PLEKHM1: variants seen among roughly 807,000 people sequenced by gnomAD.
PLEKHM1 encodes the protein pleckstrin homology and RUN domain containing M1, also known as pleckstrin homology domain-containing family M member 1.
PLEKHM1 carries 28 observed loss-of-function variants against 94.3 expected under a neutral mutation model. That is an observed-to-expected ratio of 0.30 (90% confidence interval 0.22 to 0.41). PLEKHM1 has a LOEUF of 0.41. Among genes scored for constraint, PLEKHM1 ranks in the 10% least tolerant of loss-of-function variants. The pLI is 1.00. For synonymous variants in PLEKHM1, 424 were observed against 581.2 expected (o/e 0.73, Z 3.89); for missense variants, 907 against 1,358.6 (o/e 0.67, Z 5.22).
chr17:45,464,767 CACCAACCTG>C (rs1342399912), intron 5 of PLEKHM1, among the ~76,000 whole-genome samples: 1 of 152,228 alleles, frequency 6.6e-6, no homozygotes, highest in African/African-American at 2.4e-5. Context: ...GCCATGATCA[CACCAACCTG>C]ACCACCCTGT....
Position 45,439,533 on chromosome 17 carries a change from G to A in PLEKHM1, c.3003C>T (p.Cys1001=), listed in dbSNP as rs780031334. 2.5e-6 allele frequency: 4 copies of A among 1,614,248 alleles called. No homozygotes were observed. The South Asian group carries it at 4.4e-5, about 18-fold the overall frequency. Residue 1001 remains cysteine (C), a synonymous_variant, in exon 11 of 12, where the codon TGC becomes TGT. Transcript: ENST00000430334. ...TGATGTCGTGGTGCTGGCAGATCTG[G>A]CAGATGAAGCCGCGCTGGGTGCACA... The part of the protein sequence containing the change: ...CDLCTQRGFI[C]QICQHHDIIF...
rs760425288 is a variant in PLEKHM1 at position 45,445,559 on chromosome 17, G to T, written c.2748C>A (p.His916Gln). 1.2e-6 allele frequency: 2 copies of T among 1,613,866 alleles called. No individual in the cohort carries two copies. The highest frequency in any genetic ancestry group is 1.7e-4 in the Middle Eastern group (1 of 6,056). ...GCTGCTCCCGTCTCCTCCCAATGAG[G>T]TGCATCCGCTCCACATGCTCGTACA... ...ASLYEHVERMHLIGRRREQLK... is the reference protein window; with the variant it reads ...ASLYEHVERMQLIGRRREQLK... Residue 916 changes from histidine (H) to glutamine (Q), a missense_variant, in exon 9 of 12, where the codon CAC becomes CAA. By Grantham distance (24) the His-to-Gln change is conservative (BLOSUM62 0). Coordinates refer to ENST00000430334, the MANE Select transcript of PLEKHM1 (RefSeq NM_014798.3). The surrounding 1 kb of genome is among the most constrained non-coding windows in gnomAD (Gnocchi z 4.2).
Position 45,448,331 on chromosome 17 carries a change from G to A in PLEKHM1, c.2643+2287C>T, listed in dbSNP as rs142002457. Among the ~76,000 whole-genome samples the A allele has an allele frequency of 1.1e-3, 163 of 152,374 alleles. 5 individuals carry two copies. In the East Asian group the frequency reaches 0.029, roughly 27 times the overall value. ...CAAACAACAAAAAAATCAAAATGAA[G>A]CCAACTTCTGCGGGGTTTCCCCGCC... On this transcript the variant is annotated intron_variant, in intron 8 of 11. Transcript: ENST00000430334.
intron 7 of PLEKHM1, among the ~76,000 whole-genome samples, chr17:45,451,983 C>T (rs2050787300): frequency 6.6e-6 from 1 of 152,226 alleles, no homozygotes; most frequent in Non-Finnish European, 1.5e-5. Context: ...GCGGGGCCAA[C>T]CGCAGACCAA....
intron 5 of PLEKHM1, among the ~76,000 whole-genome samples, chr17:45,465,709 C>CA (rs200291097): frequency 0.052 from 5,879 of 113,950 alleles, 351 homozygotes; most frequent in African/African-American, 0.15. Context: ...GACTCTGCCT[C>CA]AAAAAAATTT....
In PLEKHM1 at chr17:45,445,445, A is replaced by T. The variant is rs1224850903; in HGVS notation, c.2837+25T>A. On this transcript the variant is annotated intron_variant, in intron 9 of 11. Coordinates refer to ENST00000430334, the MANE Select transcript of PLEKHM1 (RefSeq NM_014798.3). This position sits in a 1 kb window ranked among gnomAD's most constrained non-coding sequence, Gnocchi z 4.2. ...CATGTGCGTGTGTACGTGCACTCAC[A>T]CGCATACACGTAGAGGTTGCTCACC... 6.3e-7 allele frequency: 1 copy of T among 1,599,044 alleles called. No individual in the cohort carries two copies. The highest frequency in any genetic ancestry group is 8.6e-7 in the Non-Finnish European group (1 of 1,166,556).
intron 5 of PLEKHM1, 26 bp downstream of exon 5, chr17:45,468,183 C>A (rs1459792633): frequency 3.1e-6 from 5 of 1,612,530 alleles, no homozygotes; most frequent in Non-Finnish European, 4.2e-6. Context: ...CCCAAGACTG[C>A]CCCCTGAACG....
chr17:45,487,339 C>T (rs1327282972), intron 1 of PLEKHM1, among the ~76,000 whole-genome samples: 1 of 152,172 alleles, frequency 6.6e-6, no homozygotes, highest in East Asian at 1.9e-4. Flanking sequence ...CAATGGGTCT[C>T]GGGTAAGGGA....
chr17:45,437,281 G>GA lies in PLEKHM1; in HGVS notation c.*576_*577insT. On this transcript the variant is annotated 3_prime_UTR_variant, in exon 12 of 12. Coordinates refer to ENST00000430334, the MANE Select transcript of PLEKHM1 (RefSeq NM_014798.3). The surrounding 1 kb of genome is among the most constrained non-coding windows in gnomAD (Gnocchi z 4.0). ...CACTGGCAGTGAGGGCCAAGGAAAG[G>GA]CACTGGGTGGGCCCATAGACCCTGT... 1 of 454,112 alleles carries GA rather than the reference G, an allele frequency of 2.2e-6. No individual in the cohort carries two copies. Among genetic ancestry groups the GA allele is most frequent in the South Asian group, 1.6e-5 (1 of 64,478 alleles). The allele number at this position is 454,112 out of a possible 1,614,324, so 28.1% of individuals were successfully genotyped here. A position where few individuals can be genotyped will look rare whatever the true frequency, so the allele number is the denominator to read the frequency against.
At position 45,453,315 on chromosome 17, in the gene PLEKHM1, A is replaced by G. The variant is rs1304657343; in HGVS notation, c.2497+40T>C. The G allele has an allele frequency of 1.3e-6, 2 of 1,595,300 alleles. No individual in the cohort carries two copies. Among genetic ancestry groups the G allele is most frequent in the East Asian group, 2.3e-5 (1 of 43,470 alleles). On this transcript the variant is annotated intron_variant, in intron 7 of 11. Transcript: ENST00000430334. The surrounding 1 kb of genome is among the most constrained non-coding windows in gnomAD (Gnocchi z 4.1). ...TCAGGAACCAGCAGGAGGTGGAGTG[A>G]GGCTGGCAGGCTGGGGGTGGCAGCA...
intron 5 of PLEKHM1, among the ~76,000 whole-genome samples, chr17:45,461,294 T>C (rs2051144866): frequency 6.6e-6 from 1 of 152,226 alleles, no homozygotes; most frequent in South Asian, 2.1e-4. Flanking sequence ...GAGACCCTTA[T>C]CAGATTTACG....
At chr17:45,457,171 A>AG (rs2050980841) in intron 6 of PLEKHM1, among the ~76,000 whole-genome samples, 1 of 136,378 alleles carries the variant, frequency 7.3e-6, no homozygotes, top group African/African-American at 2.6e-5. Flanking sequence ...ACTCTGCCTC[A>AG]GAAAAAAAAA....
In PLEKHM1 at chr17:45,444,089, G is replaced by T. The variant is rs1445249677; in HGVS notation, c.2837+1381C>A. On this transcript the variant is annotated intron_variant, in intron 9 of 11. Transcript: ENST00000430334. The surrounding 1 kb of genome is among the most constrained non-coding windows in gnomAD (Gnocchi z 5.0). ...TGCTCGAGGCACACCCTGGCCCTGA[G>T]GAGGCCCGGCTCTGGGAGCACTGCA... Among the ~76,000 whole-genome samples the T allele has an allele frequency of 6.6e-6, 1 of 152,188 alleles. No homozygotes were observed. The highest frequency in any genetic ancestry group is 1.5e-5 in the Non-Finnish European group (1 of 68,018).
intron 5 of PLEKHM1, among the ~76,000 whole-genome samples, chr17:45,465,898 A>G (rs2051306503): frequency 1.3e-5 from 2 of 151,768 alleles, no homozygotes; most frequent in African/African-American, 4.8e-5. Flanking sequence ...GCAGGAGTGA[A>G]CTCAACATGC....
At chr17:45,468,617 C>A (rs890078670) in intron 4 of PLEKHM1, 24 bp from the exon 5 acceptor site, 2 of 1,613,854 alleles carry the variant, frequency 1.2e-6, no homozygotes, top group African/African-American at 2.7e-5. Flanking sequence ...ACAAAGAAAC[C>A]TGTGTGACAG....
chr17:45,437,258 C>T lies in PLEKHM1; in HGVS notation c.*600G>A. 1 of 454,080 alleles carries T rather than the reference C, an allele frequency of 2.2e-6. No individual in the cohort carries two copies. Among genetic ancestry groups the T allele is most frequent in the Non-Finnish European group, 4.4e-6 (1 of 226,748 alleles). 28.1% of individuals were successfully genotyped at this position (454,080 alleles called of 1,614,324 possible). ...TGCCCTGCTGAGGGGCGGTTTGGCA[C>T]TGGCAGTGAGGGCCAAGGAAAGGCA... On this transcript the variant is annotated 3_prime_UTR_variant, in exon 12 of 12. Coordinates refer to ENST00000430334, the MANE Select transcript of PLEKHM1 (RefSeq NM_014798.3). The surrounding 1 kb of genome is among the most constrained non-coding windows in gnomAD (Gnocchi z 4.0).
intron 1 of PLEKHM1, among the ~76,000 whole-genome samples, chr17:45,487,099 C>T (rs1364453049): frequency 6.6e-6 from 1 of 152,194 alleles, no homozygotes; most frequent in African/African-American, 2.4e-5. Flanking sequence ...GGCTCTTGAA[C>T]ATGACGGGTG....
At chr17:45,488,143 G>A (rs1400347200) in intron 1 of PLEKHM1, among the ~76,000 whole-genome samples, 1 of 152,180 alleles carries the variant, frequency 6.6e-6, no homozygotes, top group East Asian at 1.9e-4. Flanking sequence ...CAGACTCAGG[G>A]CTAGTGGATG....
intron 3 of PLEKHM1, among the ~76,000 whole-genome samples, chr17:45,476,542 A>G (rs979333203): frequency 6.6e-6 from 1 of 152,162 alleles, no homozygotes; most frequent in Non-Finnish European, 1.5e-5. Flanking sequence ...ACACGGGGTA[A>G]TGGCCCCACA....
Sources: gnomAD v4.1 joint callset for allele counts (sites outside exome capture counted in the v4.1 genomes callset) on GRCh38, gnomAD v4.1.1 for gene constraint, Gnocchi (gnomAD v3.1) non-coding constraint, MANE v1.5 for transcripts, NCBI Gene and HGNC (gene_info 2026-07-23, HGNC 2026-07-21) for gene names.